SNX29: variants seen among roughly 807,000 people sequenced by gnomAD.
SNX29 encodes the protein sorting nexin-29.
A neutral mutation model predicts 102.1 loss-of-function variants in SNX29; 78 were observed. That is an observed-to-expected ratio of 0.76 (90% confidence interval 0.64 to 0.92). The LOEUF (loss-of-function observed/expected upper bound fraction) is 0.92, where lower values mean the gene tolerates loss of function less well. Among genes scored for constraint, SNX29 ranks in the 40% least tolerant of loss-of-function variants. The pLI is 0.00. For missense variants in SNX29, 1,280 were observed against 1,061.7 expected (o/e 1.21, Z -2.86); for synonymous variants, 580 against 414.5 (o/e 1.40, Z -4.85).
intron 13 of SNX29, among the ~76,000 whole-genome samples, chr16:12,191,600 T>C (rs1240719832): frequency 6.6e-6 from 1 of 152,214 alleles, no homozygotes; most frequent in Non-Finnish European, 1.5e-5. Flanking sequence ...AGAATGCATG[T>C]TGGGCTCAGT....
rs1332710343 is a variant in SNX29, at chr16:12,572,028, G to A, written c.*3399G>A. 3.8e-6 allele frequency: 4 copies of A among 1,063,018 alleles called. No homozygotes were observed. The highest frequency in any genetic ancestry group is 1.6e-5 in the African/African-American group (1 of 60,928). 65.8% of individuals were successfully genotyped at this position (1,063,018 alleles called of 1,614,324 possible). On this transcript the variant is annotated 3_prime_UTR_variant, in exon 21 of 21. Transcript: ENST00000566228. ...CTAGGGAGCTGCTGGCTATAAAAGG[G>A]ATCATCCAGTGGAGTTGTAAACAAG... is the stretch of plus-strand genomic sequence containing the variant.
At chr16:12,518,673 C>G (rs1185201001) in intron 19 of SNX29, among the ~76,000 whole-genome samples, 2 of 152,276 alleles carry the variant, frequency 1.3e-5, no homozygotes, top group South Asian at 2.1e-4. Flanking sequence ...TTAAACTCCT[C>G]GAGGAAAAGG....
At chr16:12,379,443 GAA>G (rs2082997794) in intron 16 of SNX29, among the ~76,000 whole-genome samples, 1 of 152,216 alleles carries the variant, frequency 6.6e-6, no homozygotes, top group African/African-American at 2.4e-5. Flanking sequence ...CTTTAGGGAA[GAA>G]ATTGAAGCTC....
At chr16:12,049,175 C>G (rs886108976) in intron 7 of SNX29, among the ~76,000 whole-genome samples, 4 of 152,076 alleles carry the variant, frequency 2.6e-5, no homozygotes, top group African/African-American at 9.7e-5. Context: ...AGGTTTGACT[C>G]TAGGCTCTGG....
At chr16:12,033,382 C>A (rs2057394732) in intron 4 of SNX29, among the ~76,000 whole-genome samples, 1 of 152,060 alleles carries the variant, frequency 6.6e-6, no homozygotes, top group Non-Finnish European at 1.5e-5. Flanking sequence ...GGATTACAGG[C>A]CTGAGCCACC....
At chr16:11,998,724 C>A (rs1291892584) in intron 1 of SNX29, among the ~76,000 whole-genome samples, 1 of 152,172 alleles carries the variant, frequency 6.6e-6, no homozygotes, top group East Asian at 1.9e-4. Flanking sequence ...GGAGCCACTT[C>A]TGCTTTCTTC....
At chr16:12,418,644 A>C (rs1000159096) in intron 18 of SNX29, among the ~76,000 whole-genome samples, 1 of 152,052 alleles carries the variant, frequency 6.6e-6, no homozygotes, top group Non-Finnish European at 1.5e-5. Flanking sequence ...CCTTCTGAGT[A>C]GCTGGGATTA....
At chr16:12,238,795 A>G (rs906331504) in intron 14 of SNX29, among the ~76,000 whole-genome samples, 7 of 152,206 alleles carry the variant, frequency 4.6e-5, no homozygotes, top group Admixed American at 3.9e-4. Flanking sequence ...AGAAGGTCAC[A>G]CTTAGGCAGT....
intron 20 of SNX29, among the ~76,000 whole-genome samples, chr16:12,539,447 G>A (rs950456458): frequency 1.1e-4 from 16 of 152,176 alleles, no homozygotes; most frequent in African/African-American, 3.6e-4. Context: ...TTACTGAGCA[G>A]AGTTTGGTTA....
At position 12,406,119 on chromosome 16, in the gene SNX29, G is replaced by A. The variant is rs530351424; in HGVS notation, c.2037+2590G>A. On this transcript the variant is annotated intron_variant, in intron 18 of 20. Transcript: ENST00000566228. ...ACGTCTAAAAAAGAATGATAAAAGA[G>A]AGGTTAAAAAAAATACATCAGGGTC... Among the ~76,000 whole-genome samples the A allele has an allele frequency of 2.6e-5, 4 of 152,048 alleles. No individual in the cohort carries two copies. In the South Asian group the frequency reaches 8.3e-4, roughly 32 times the overall value.
intron 15 of SNX29, among the ~76,000 whole-genome samples, chr16:12,286,924 G>A (rs2079617051): frequency 6.6e-6 from 1 of 152,126 alleles, no homozygotes; most frequent in Non-Finnish European, 1.5e-5. Context: ...CAATACCATA[G>A]TCATACTTTA....
chr16:12,091,060 G>A (rs62038872), intron 11 of SNX29, among the ~76,000 whole-genome samples: 6 of 142,562 alleles, frequency 4.2e-5, no homozygotes, highest in Middle Eastern at 3.6e-3. Flanking sequence ...AAAAAAGAGC[G>A]CCTGGAAAAT....
intron 15 of SNX29, among the ~76,000 whole-genome samples, chr16:12,298,004 T>C (rs551976983): frequency 6.6e-6 from 1 of 152,272 alleles, no homozygotes; most frequent in East Asian, 1.9e-4. Context: ...AGCCTGTCTC[T>C]ACTAAAAATA....
Position 12,061,595 on chromosome 16 carries a change from G to T in SNX29, c.1192G>T (p.Asp398Tyr), listed in dbSNP as rs1188841859. ...GGCTCCGCTGAAGGTGCTGCACAAT[G>T]ACTCCGACATCCTCTTCCCTGTCAG... is the stretch of plus-strand genomic sequence containing the variant. Reference protein sequence around the residue: ...SWAPLKVLHNDSDILFPVSGV... With the variant: ...SWAPLKVLHNYSDILFPVSGV... The change falls in exon 9 of 21, where the codon GAC becomes TAC. Residue 398 changes from aspartate to tyrosine, a missense_variant. Coordinates refer to ENST00000566228, the MANE Select transcript of SNX29 (RefSeq NM_032167.5). The T allele has an allele frequency of 6.2e-7, 1 of 1,612,144 alleles. No individual in the cohort carries two copies. The highest frequency in any genetic ancestry group is 8.5e-7 in the Non-Finnish European group (1 of 1,179,364).
chr16:12,233,709 C>T (rs2077838956), intron 14 of SNX29, among the ~76,000 whole-genome samples: 2 of 152,068 alleles, frequency 1.3e-5, no homozygotes, highest in African/African-American at 4.8e-5. Flanking sequence ...GCATTCACAA[C>T]ATTTTAGAAC....
At chr16:12,538,467 A>G (rs867850985) in intron 20 of SNX29, among the ~76,000 whole-genome samples, 9 of 152,236 alleles carry the variant, frequency 5.9e-5, no homozygotes, top group Middle Eastern at 3.4e-3. Context: ...CGTATCTCCT[A>G]TGTTGATGCT....
At chr16:12,560,969 A>G (rs996575878) in intron 20 of SNX29, 4 of 213,768 alleles carry the variant, frequency 1.9e-5, no homozygotes, top group African/African-American at 6.8e-5. Flanking sequence ...CCTGCCTTCA[A>G]GGAACCCTTG....
intron 16 of SNX29, among the ~76,000 whole-genome samples, chr16:12,384,268 C>G (rs944406943): frequency 6.6e-6 from 1 of 152,284 alleles, no homozygotes; most frequent in African/African-American, 2.4e-5. Flanking sequence ...TATGGTAGCT[C>G]TATTTTTAGT....
intron 13 of SNX29, among the ~76,000 whole-genome samples, chr16:12,157,480 T>G (rs1343279891): frequency 1.3e-5 from 2 of 152,174 alleles, no homozygotes; most frequent in African/African-American, 4.8e-5. Context: ...ACAGCAGCCG[T>G]TTCCTGGGTG....
Sources: gnomAD v4.1 joint callset for allele counts (sites outside exome capture counted in the v4.1 genomes callset) on GRCh38, gnomAD v4.1.1 for gene constraint, MANE v1.5 for transcripts, NCBI Gene and HGNC (gene_info 2026-07-23, HGNC 2026-07-21) for gene names.